Variants in TACC1 observed in about 807,000 individuals in gnomAD.
TACC1 encodes transforming acidic coiled-coil-containing protein 1.
Under a neutral mutation model 84.4 loss-of-function variants are expected in TACC1, and 48 were observed. The observed-to-expected ratio is 0.57, with a 90% CI of 0.45 to 0.72. TACC1 has a LOEUF of 0.72. Among genes scored for constraint, TACC1 ranks in the 30% least tolerant of loss-of-function variants. The pLI is 0.00. For missense variants in TACC1, 920 were observed against 973.0 expected (o/e 0.95, Z 0.72); for synonymous variants, 372 against 376.3 (o/e 0.99, Z 0.13).
upstream of TACC1, among the ~76,000 whole-genome samples, chr8:38,782,345 T>A (rs1256960974): frequency 6.6e-6 from 1 of 152,206 alleles, no homozygotes; most frequent in Non-Finnish European, 1.5e-5. Context: ...ACAAAGGATA[T>A]GAACTCATCA....
intron 2 of TACC1, among the ~76,000 whole-genome samples, chr8:38,798,896 A>AT (rs1175080662): frequency 1.3e-5 from 2 of 152,128 alleles, no homozygotes; most frequent in Admixed American, 6.5e-5. Context: ...GTACTTCTCC[A>AT]TTTTAAGGCT....
chr8:38,736,992 G>A (rs554512682), intron 1 of TACC1, among the ~76,000 whole-genome samples: 10 of 152,298 alleles, frequency 6.6e-5, no homozygotes, highest in Admixed American at 3.3e-4. Context: ...AGGGCCCAGC[G>A]TGGGGACATT....
Position 38,827,362 on chromosome 8 carries a change from A to G in TACC1, c.1647A>G (p.Ser549=), listed in dbSNP as rs553881752. 1.0e-4 allele frequency: 169 copies of G among 1,614,212 alleles called. 3 individuals are homozygous for G. The South Asian group carries it at 1.6e-3, about 16-fold the overall frequency. ...TGTCTACCATAAATCATGCGTTTTC[A>G]TCCTCAGAAGCAGGTATGGAAGCAT... ...VPVSTINHAF[S]SSEAGIEKET... The change falls in exon 5 of 13, where the codon TCA becomes TCG. Residue 549 remains serine, a synonymous_variant. Coordinates refer to ENST00000317827, the MANE Select transcript of TACC1 (RefSeq NM_006283.3).
At chr8:38,733,726 T>C (rs955033351) in intron 1 of TACC1, among the ~76,000 whole-genome samples, 1 of 152,028 alleles carries the variant, frequency 6.6e-6, no homozygotes, top group African/African-American at 2.4e-5. Flanking sequence ...GTGGCCCCTC[T>C]CCCACCCCAT....
chr8:38,771,453 AACG>A (rs771077886), intron 3 of TACC1, among the ~76,000 whole-genome samples: 2 of 152,186 alleles, frequency 1.3e-5, no homozygotes, highest in Non-Finnish European at 2.9e-5. Flanking sequence ...GGGAATAGCA[AACG>A]ATGTTCAGTC....
At chr8:38,798,606 CGT>C (rs10631964) in intron 2 of TACC1, among the ~76,000 whole-genome samples, 16,769 of 143,302 alleles carry the variant, frequency 0.12, 1,086 homozygotes, top group South Asian at 0.26. Context: ...CTGGGTTCTG[CGT>C]GTGTGTGTGT....
At chr8:38,772,025 AAGAG>A (rs35335324) in intron 3 of TACC1, among the ~76,000 whole-genome samples, 316 of 148,534 alleles carry the variant, frequency 2.1e-3, no homozygotes, top group East Asian at 7.9e-3. Flanking sequence ...AAGAAAGAAA[AAGAG>A]AGAGAGAGAG....
intron 3 of TACC1, among the ~76,000 whole-genome samples, chr8:38,779,219 C>G (rs1587585152): frequency 6.6e-6 from 1 of 152,190 alleles, no homozygotes; most frequent in East Asian, 1.9e-4. Context: ...AAGTTATCCT[C>G]CTGCCTCAGC....
At chr8:38,768,520 G>A (rs2151863747) in intron 3 of TACC1, among the ~76,000 whole-genome samples, 1 of 152,318 alleles carries the variant, frequency 6.6e-6, no homozygotes, top group South Asian at 2.1e-4. Context: ...CACAGCAGAA[G>A]GAACGGGAGT....
rs1379521290 is a variant in TACC1, at chr8:38,848,311, T to C, written c.*288T>C. On this transcript the variant is annotated 3_prime_UTR_variant, in exon 13 of 13. Transcript: ENST00000317827. ...CTGCTGAGTTTGGGTTTGTGATTTA[T>C]CTTTAGTTTGTTTTAAAGTCATCTT... is the stretch of plus-strand genomic sequence containing the variant. The C allele has an allele frequency of 3.7e-6, 1 of 272,544 alleles. No homozygotes were observed. Among genetic ancestry groups the C allele is most frequent in the Non-Finnish European group, 6.8e-6 (1 of 147,112 alleles). 16.9% of individuals were successfully genotyped at this position (272,544 alleles called of 1,614,324 possible). A position where few individuals can be genotyped will look rare whatever the true frequency, so the allele number is the denominator to read the frequency against.
chr8:38,830,567 A>G (rs1829001765), intron 5 of TACC1, among the ~76,000 whole-genome samples: 1 of 152,194 alleles, frequency 6.6e-6, no homozygotes, highest in African/African-American at 2.4e-5. Context: ...GTGCCCAGCC[A>G]TCTTCTGGTT....
intron 3 of TACC1, among the ~76,000 whole-genome samples, chr8:38,781,282 T>G (rs890662235): frequency 1.3e-5 from 2 of 152,208 alleles, no homozygotes; most frequent in Non-Finnish European, 2.9e-5. Flanking sequence ...ATGATTAATG[T>G]TCTACTAATC....
rs1439293494 is a variant in TACC1 at position 38,836,304 on chromosome 8, T to G, written c.1839+17T>G. Reference sequence around the variant, plus strand: ...AGAGAAGAGGTAAAAGCTCTCCTGTTTAGTCTGCTTATCACTCCATTTCTT... The same window carrying G: ...AGAGAAGAGGTAAAAGCTCTCCTGTGTAGTCTGCTTATCACTCCATTTCTT... On this transcript the variant is annotated intron_variant, in intron 7 of 12. Transcript: ENST00000317827. The G allele has an allele frequency of 1.2e-6, 2 of 1,601,272 alleles. No individual in the cohort carries two copies. The highest frequency in any genetic ancestry group is 1.1e-5 in the South Asian group (1 of 90,988).
chr8:38,758,473 T>A (rs547602648), intron 3 of TACC1, among the ~76,000 whole-genome samples: 1 of 151,754 alleles, frequency 6.6e-6, no homozygotes, highest in African/African-American at 2.4e-5. Flanking sequence ...AGGTCAGGAG[T>A]TCGTAGACCA....
Position 38,825,313 on chromosome 8 carries a change from G to T in TACC1, c.1397G>T (p.Gly466Val), listed in dbSNP as rs887657483. ...TGTGTTTCTTCTCTTTCCAGGAGTGGCTGTAAGGTGAAGAAGCATGAAACT... is the reference window on the plus strand; with the variant it reads ...TGTGTTTCTTCTCTTTCCAGGAGTGTCTGTAAGGTGAAGAAGCATGAAACT... ...KKAKSRLITS[G>V]CKVKKHETQS... Residue 466 changes from glycine (G) to valine (V), a missense_variant, in exon 4 of 13, where the codon GGC becomes GTC. This residue lies in a region of TACC1 where 762 missense variants were observed against 747.3 expected (regional missense o/e 1.02). Transcript: ENST00000317827. The T allele has an allele frequency of 1.2e-6, 2 of 1,613,908 alleles. No individual in the cohort carries two copies. The highest frequency in any genetic ancestry group is 1.7e-6 in the Non-Finnish European group (2 of 1,179,984).
chr8:38,837,043 A>G (rs918468149), intron 7 of TACC1, among the ~76,000 whole-genome samples: 1 of 150,784 alleles, frequency 6.6e-6, no homozygotes, highest in African/African-American at 2.4e-5. Flanking sequence ...GTTGGTAATG[A>G]GGGATGTCAG....
intron 2 of TACC1, among the ~76,000 whole-genome samples, chr8:38,789,965 T>C (rs1389806591): frequency 2.0e-5 from 3 of 152,214 alleles, no homozygotes; most frequent in Non-Finnish European, 4.4e-5. Flanking sequence ...GCATATGCAT[T>C]TCCAAGGGCT....
chr8:38,787,203 C>T, upstream of TACC1: 1 of 990,052 alleles, frequency 1.0e-6, no homozygotes, highest in Non-Finnish European at 1.2e-6. Flanking sequence ...GCTCCGGCGG[C>T]AGCTGATGCG....
intron 2 of TACC1, among the ~76,000 whole-genome samples, chr8:38,743,507 A>G (rs1189874972): frequency 3.9e-5 from 6 of 152,182 alleles, no homozygotes; most frequent in African/African-American, 1.4e-4. Context: ...GGGCTAGTTT[A>G]CAGAGCACTC....
Sources: allele counts gnomAD v4.1 joint callset (sites outside exome capture counted in the v4.1 genomes callset), GRCh38; gene constraint gnomAD v4.1.1; regional missense constraint gnomAD v4.1.1; transcripts MANE v1.5; gene names NCBI Gene and HGNC (gene_info 2026-07-23, HGNC 2026-07-21).